Variants in FHIT observed in about 807,000 individuals in gnomAD.
FHIT encodes bis(5'-adenosyl)-triphosphatase.
A neutral mutation model predicts 17.9 loss-of-function variants in FHIT; 19 were observed. That is an observed-to-expected ratio of 1.06 (90% CI 0.74 to 1.56). The LOEUF is 1.56. Among genes scored for constraint, FHIT ranks in the 40% most tolerant of loss-of-function variants. The pLI, the probability that FHIT is intolerant of heterozygous loss-of-function variation, is 0.00. For missense variants in FHIT, 248 were observed against 189.2 expected, an observed-to-expected ratio of 1.31 and a Z score of -1.82; for synonymous variants, 81 against 69.7, an observed-to-expected ratio of 1.16 and a Z score of -0.81.
intron 4 of FHIT, among the ~76,000 whole-genome samples, chr3:60,795,182 A>T (rs1225490704): frequency 6.6e-6 from 1 of 152,162 alleles, no homozygotes; most frequent in Non-Finnish European, 1.5e-5. Flanking sequence ...CTATCTGATG[A>T]CTTCACAGTA....
At chr3:60,453,821 GT>G (rs1410986879) in intron 5 of FHIT, among the ~76,000 whole-genome samples, 2 of 152,102 alleles carry the variant, frequency 1.3e-5, no homozygotes, top group African/African-American at 4.8e-5. Flanking sequence ...ATTATCATAA[GT>G]GTCACAATAA....
intron 5 of FHIT, among the ~76,000 whole-genome samples, chr3:60,118,727 G>A (rs1705096305): frequency 2.0e-5 from 2 of 99,410 alleles, no homozygotes; most frequent in Non-Finnish European, 5.0e-5. Context: ...GAACTTCAGG[G>A]TCCGGGCCTG....
At chr3:60,392,552 C>T (rs1701274158) in intron 5 of FHIT, among the ~76,000 whole-genome samples, 1 of 152,168 alleles carries the variant, frequency 6.6e-6, no homozygotes, top group Non-Finnish European at 1.5e-5. Context: ...GTTCATCTTG[C>T]ACCATTCTGA....
chr3:61,030,846 G>A (rs931748857), intron 3 of FHIT, among the ~76,000 whole-genome samples: 1 of 152,172 alleles, frequency 6.6e-6, no homozygotes, highest in Non-Finnish European at 1.5e-5. Flanking sequence ...GTTTCAAAGG[G>A]TAAAGCCTGT....
chr3:60,542,445 A>G, intron 4 of FHIT, among the ~76,000 whole-genome samples: 1 of 152,192 alleles, frequency 6.6e-6, no homozygotes, highest in East Asian at 1.9e-4. Context: ...CATCCTTACC[A>G]GCACTTGATA....
intron 4 of FHIT, among the ~76,000 whole-genome samples, chr3:60,654,608 T>C (rs1324958215): frequency 3.3e-5 from 5 of 152,078 alleles, no homozygotes; most frequent in Admixed American, 3.3e-4. Flanking sequence ...ACTTGAAATA[T>C]ATATTACAGA....
Position 59,900,922 on chromosome 3 carries a change from C to T in FHIT, c.348+21424G>A, listed in dbSNP as rs145136776. The stretch of plus-strand genomic sequence containing the variant: ...AGCCACTGCGCCCGGCCAGGCCACA[C>T]TGTTTAAAATCTATGCAGTCCTTCT... On this transcript the variant is annotated intron_variant, in intron 8 of 9. Transcript: ENST00000492590. Among the ~76,000 whole-genome samples the T allele has an allele frequency of 2.4e-3, 366 of 152,276 alleles. 1 individual carries two copies. Among genetic ancestry groups the T allele is most frequent in the Non-Finnish European group, 3.6e-3 (245 of 68,020 alleles).
At chr3:60,673,379 G>A (rs1387964518) in intron 4 of FHIT, among the ~76,000 whole-genome samples, 1 of 152,152 alleles carries the variant, frequency 6.6e-6, no homozygotes, top group African/African-American at 2.4e-5. Context: ...CATGGATAGA[G>A]CTGGAAGAGA....
intron 8 of FHIT, among the ~76,000 whole-genome samples, chr3:59,834,388 G>A (rs1559646094): frequency 6.6e-6 from 1 of 152,126 alleles, no homozygotes; most frequent in African/African-American, 2.4e-5. Flanking sequence ...CAGACAGATA[G>A]GTAACTTAGA....
intron 5 of FHIT, among the ~76,000 whole-genome samples, chr3:60,235,352 T>A (rs565782742): frequency 4.0e-5 from 6 of 151,004 alleles, no homozygotes; most frequent in Non-Finnish European, 8.8e-5. Context: ...TGCCTCAACC[T>A]CCTGAGTAGC....
intron 5 of FHIT, among the ~76,000 whole-genome samples, chr3:60,323,222 A>C (rs1263532824): frequency 1.3e-5 from 2 of 152,154 alleles, no homozygotes; most frequent in Non-Finnish European, 2.9e-5. Context: ...ACCGGGAATC[A>C]CTGTTTCACA....
At chr3:60,061,130 G>C (rs1346109065) in intron 5 of FHIT, among the ~76,000 whole-genome samples, 2 of 152,192 alleles carry the variant, frequency 1.3e-5, no homozygotes, top group Non-Finnish European at 2.9e-5. Context: ...ATAGGATGGG[G>C]AAAGAGTGTT....
intron 2 of FHIT, among the ~76,000 whole-genome samples, chr3:61,158,810 C>T (rs1352773907): frequency 6.6e-6 from 1 of 152,158 alleles, no homozygotes; most frequent in Non-Finnish European, 1.5e-5. Context: ...TTTTAAAAAG[C>T]TCATAAACTA....
chr3:60,887,474 A>T (rs1162587762), intron 3 of FHIT, among the ~76,000 whole-genome samples: 2 of 151,912 alleles, frequency 1.3e-5, no homozygotes, highest in African/African-American at 4.8e-5. Context: ...GTGAAACCCC[A>T]TCTCTACTAA....
chr3:59,895,640 G>A (rs576300645), intron 8 of FHIT, among the ~76,000 whole-genome samples: 3 of 152,264 alleles, frequency 2.0e-5, no homozygotes, highest in East Asian at 1.9e-4. Context: ...CATATTTCTA[G>A]AATCCACTTG....
intron 7 of FHIT, among the ~76,000 whole-genome samples, chr3:59,978,646 G>A (rs576133576): frequency 2.0e-5 from 3 of 150,104 alleles, no homozygotes; most frequent in African/African-American, 4.9e-5. Flanking sequence ...TGCTGAGGAG[G>A]GACACTTTGC....
At chr3:60,948,696 G>A (rs1214908993) in intron 3 of FHIT, among the ~76,000 whole-genome samples, 1 of 152,144 alleles carries the variant, frequency 6.6e-6, no homozygotes, top group Non-Finnish European at 1.5e-5. Flanking sequence ...CCCCTCTGGT[G>A]GAGGAAGTAT....
chr3:61,088,446 C>CAATAATA (rs2035372133), intron 2 of FHIT, among the ~76,000 whole-genome samples: 5 of 152,220 alleles, frequency 3.3e-5, no homozygotes, highest in East Asian at 1.9e-4. Context: ...CAACATGCTA[C>CAATAATA]CTTGTACAGC....
At chr3:60,978,870 A>G (rs1396837206) in intron 3 of FHIT, among the ~76,000 whole-genome samples, 2 of 152,190 alleles carry the variant, frequency 1.3e-5, no homozygotes, top group Non-Finnish European at 2.9e-5. Flanking sequence ...GCTCTTCCTT[A>G]GATCTACAGC....
Sources: allele counts gnomAD v4.1 joint callset (sites outside exome capture counted in the v4.1 genomes callset), GRCh38; gene constraint gnomAD v4.1.1; transcripts MANE v1.5; gene names NCBI Gene and HGNC (gene_info 2026-07-23, HGNC 2026-07-21).